Variants in TNS1 observed in about 807,000 individuals in gnomAD.
The protein encoded by TNS1 is tensin-1.
A neutral mutation model predicts 168.6 loss-of-function variants in TNS1; 62 were observed. The observed-to-expected ratio is 0.37, with a 90% CI of 0.30 to 0.45. The LOEUF (loss-of-function observed/expected upper bound fraction) is 0.45. TNS1 is among the 20% of genes least tolerant of loss of function. The pLI, the probability that TNS1 is intolerant of heterozygous loss-of-function variation, is 1.00. For synonymous variants in TNS1, 934 were observed against 933.2 expected (o/e 1.00, Z -0.02); for missense variants, 2,240 against 2,339.4 (o/e 0.96, Z 0.88).
chr2:217,883,776 G>C (rs1950904246), intron 16 of TNS1, among the ~76,000 whole-genome samples: 1 of 152,090 alleles, frequency 6.6e-6, no homozygotes, highest in Non-Finnish European at 1.5e-5. Context: ...AGTGCAAGGA[G>C]AGCTCATTAA....
chr2:217,945,178 C>A (rs1287462447), intron 3 of TNS1, among the ~76,000 whole-genome samples: 1 of 152,252 alleles, frequency 6.6e-6, no homozygotes, highest in Non-Finnish European at 1.5e-5. Flanking sequence ...TTCTCTTCCG[C>A]ATCTGGGTCA....
At chr2:217,960,660 T>C (rs1474549840) in intron 3 of TNS1, among the ~76,000 whole-genome samples, 1 of 152,136 alleles carries the variant, frequency 6.6e-6, no homozygotes, top group Non-Finnish European at 1.5e-5. Context: ...GGCTCAGCCT[T>C]TCCCCGCCCA....
intron 3 of TNS1, among the ~76,000 whole-genome samples, chr2:217,952,156 A>G (rs1957260072): frequency 6.6e-6 from 1 of 152,194 alleles, no homozygotes; most frequent in African/African-American, 2.4e-5. Flanking sequence ...AGACATTTAG[A>G]TCCCAACAGC....
intron 1 of TNS1, among the ~76,000 whole-genome samples, chr2:218,031,017 T>A (rs923605528): frequency 6.8e-6 from 1 of 146,318 alleles, no homozygotes; most frequent in Admixed American, 6.9e-5. Context: ...TGGGAGTGTA[T>A]GTGTGTATGT....
intron 1 of TNS1, among the ~76,000 whole-genome samples, chr2:218,015,737 T>C (rs1021844440): frequency 3.3e-5 from 5 of 151,836 alleles, no homozygotes; most frequent in African/African-American, 1.2e-4. Context: ...GCTGACATGA[T>C]AAACGGGGGG....
At position 217,969,060 on chromosome 2, in the gene TNS1, C is replaced by T. The variant is rs1157270877; in HGVS notation, c.186+9705G>A. ...CCCACAGAGTCAATGCAAACCCTAT[C>T]AGAATTCCAACTGGCTTATTTGTAG... On this transcript the variant is annotated intron_variant, in intron 3 of 32. Transcript: ENST00000682258. Among the ~76,000 whole-genome samples the T allele has an allele frequency of 1.1e-4, 17 of 152,166 alleles. 1 individual carries two copies. The highest frequency in any genetic ancestry group is 2.5e-4 in the Non-Finnish European group (17 of 68,036).
chr2:217,806,306 T>C (rs1397613737), intron 32 of TNS1, among the ~76,000 whole-genome samples: 1 of 152,246 alleles, frequency 6.6e-6, no homozygotes, highest in African/African-American at 2.4e-5. Flanking sequence ...GCTTGCAAGA[T>C]CCCAAGATCT....
At chr2:217,826,383 A>T (rs1559177767) in intron 22 of TNS1, among the ~76,000 whole-genome samples, 2 of 151,054 alleles carry the variant, frequency 1.3e-5, no homozygotes, top group African/African-American at 4.9e-5. Flanking sequence ...TCTCTCTCCC[A>T]CCCCAGGACA....
chr2:217,984,561 C>A (rs1335882664), intron 2 of TNS1, among the ~76,000 whole-genome samples: 1 of 152,142 alleles, frequency 6.6e-6, no homozygotes, highest in Non-Finnish European at 1.5e-5. Context: ...GCTCATAGCT[C>A]ACTGCAGCCT....
At chr2:217,853,029 CCCT>C (rs1947704667) in intron 18 of TNS1, among the ~76,000 whole-genome samples, 1 of 152,064 alleles carries the variant, frequency 6.6e-6, no homozygotes, top group South Asian at 2.1e-4. Flanking sequence ...GAGCACGTGC[CCCT>C]CCTCCTCCCA....
Position 217,848,740 on chromosome 2 carries a change from C to T in TNS1, c.1777G>A (p.Ala593Thr). The T allele has an allele frequency of 6.2e-7, 1 of 1,614,240 alleles. No homozygotes were observed. Among genetic ancestry groups the T allele is most frequent in the Non-Finnish European group, 8.5e-7 (1 of 1,180,032 alleles). ...YHTQHLRSRP[A>T]GGSAVPSSGR... Reference sequence around the variant, plus strand: ...GAGGAGGGCACAGCCGAGCCCCCTGCTGGGCGGGACCTGAGGTGCTGGGTG... The same window carrying T: ...GAGGAGGGCACAGCCGAGCCCCCTGTTGGGCGGGACCTGAGGTGCTGGGTG... Residue 593 changes from alanine (A) to threonine (T), a missense_variant, in exon 19 of 33, where the codon GCA (alanine) becomes ACA (threonine). Around this residue, in one of 2 missense-constraint regions of TNS1, gnomAD observed 2,131 missense variants for 2,171.2 expected, o/e 0.98. Transcript: ENST00000682258.
intron 1 of TNS1, among the ~76,000 whole-genome samples, chr2:218,025,276 T>C (rs987372314): frequency 6.6e-6 from 1 of 151,968 alleles, no homozygotes; most frequent in African/African-American, 2.4e-5. Context: ...TGAGACAGAG[T>C]CTTGCTCTGT....
intron 2 of TNS1, chr2:217,979,017 C>A (rs900452868): frequency 2.0e-6 from 1 of 497,706 alleles, no homozygotes; most frequent in Admixed American, 3.5e-5. Flanking sequence ...GGACCCGCGG[C>A]CGGGGAGGCA....
chr2:217,819,299 G>A (rs1364224336), intron 23 of TNS1, among the ~76,000 whole-genome samples: 1 of 152,218 alleles, frequency 6.6e-6, no homozygotes, highest in African/African-American at 2.4e-5. Context: ...GGAATCACAG[G>A]GGAAGGTTTC....
chr2:218,020,263 G>C (rs1958796007), intron 1 of TNS1, among the ~76,000 whole-genome samples: 1 of 152,012 alleles, frequency 6.6e-6, no homozygotes, highest in Non-Finnish European at 1.5e-5. Flanking sequence ...CACCCCACAG[G>C]CCCAATACGC....
At chr2:217,944,763 T>C (rs1398328347) in intron 3 of TNS1, among the ~76,000 whole-genome samples, 2 of 152,216 alleles carry the variant, frequency 1.3e-5, no homozygotes, top group Non-Finnish European at 2.9e-5. Flanking sequence ...AGAAATGTGA[T>C]AAAGCAAATA....
rs1031529150 is a variant in TNS1 at position 218,002,941 on chromosome 2, G to A, written c.-69C>T. The A allele has an allele frequency of 1.6e-4, 73 of 456,216 alleles. No homozygotes were observed. Among genetic ancestry groups the A allele is most frequent in the Non-Finnish European group, 2.4e-4 (55 of 226,900 alleles). The allele number at this position is 456,216 out of a possible 1,614,324, so 28.3% of individuals were successfully genotyped here. A position where few individuals can be genotyped will look rare whatever the true frequency, so the allele number is the denominator to read the frequency against. ...GAGCCCCTGAAGCTAGAGTCCCCGC[G>A]GCGCTGGCAGAAGGGCTCTCTGAGT... On this transcript the variant is annotated 5_prime_UTR_variant, in exon 1 of 33. Coordinates refer to ENST00000682258, the MANE Select transcript of TNS1 (RefSeq NM_001387777.1).
In TNS1 at chr2:217,810,309, A is replaced by C; in HGVS notation, c.5043T>G (p.Asp1681Glu). 1.2e-6 allele frequency: 2 copies of C among 1,614,184 alleles called. No homozygotes were observed. Among genetic ancestry groups the C allele is most frequent in the South Asian group, 1.1e-5 (1 of 91,084 alleles). ...CAGGGCCGGAGCTATCTTTCGATTCATCTGTGGGGTCTAAGACAAAAATTC... is the reference window on the plus strand; with the variant it reads ...CAGGGCCGGAGCTATCTTTCGATTCCTCTGTGGGGTCTAAGACAAAAATTC... ...KLVIPNRDPTDESKDSSGPAN... is the reference protein window; with the variant it reads ...KLVIPNRDPTEESKDSSGPAN... The change falls in exon 29 of 33, where the codon GAT becomes GAG. Residue 1681 changes from aspartate to glutamate, a missense_variant. Coordinates refer to ENST00000682258, the MANE Select transcript of TNS1 (RefSeq NM_001387777.1).
intron 3 of TNS1, chr2:217,937,024 T>G (rs1334269733): frequency 1.3e-5 from 6 of 456,646 alleles, no homozygotes; most frequent in Non-Finnish European, 2.6e-5. Context: ...CCTGAAGAAG[T>G]CTTTGCCCCT....
Sources: gnomAD v4.1 joint callset for allele counts (sites outside exome capture counted in the v4.1 genomes callset) on GRCh38, gnomAD v4.1.1 for gene constraint, gnomAD v4.1.1 regional missense constraint, MANE v1.5 for transcripts, NCBI Gene and HGNC (gene_info 2026-07-23, HGNC 2026-07-21) for gene names.